The following SCFD2 variants were observed in gnomAD, a reference collection of about 807,000 sequenced individuals.
SCFD2 encodes the protein sec1 family domain containing 2, also known as sec1 family domain-containing protein 2.
SCFD2 carries 54 observed loss-of-function variants against 58.9 expected under a neutral mutation model. The ratio of observed to expected loss-of-function variants is 0.92; its 90% CI spans 0.74 to 1.15. The LOEUF (loss-of-function observed/expected upper bound fraction) is 1.15. SCFD2 is among the 50% of genes most tolerant of loss of function. SCFD2 has a pLI of 0.00. For missense variants in SCFD2, 805 were observed against 836.6 expected (o/e 0.96, Z 0.47); for synonymous variants, 321 against 335.9 (o/e 0.96, Z 0.49).
At chr4:52,896,876 C>T (rs1328613103) in intron 7 of SCFD2, among the ~76,000 whole-genome samples, 2 of 152,186 alleles carry the variant, frequency 1.3e-5, no homozygotes, top group Non-Finnish European at 1.5e-5. Flanking sequence ...AGGTCCTAAA[C>T]GTCCCTTGTA....
intron 3 of SCFD2, among the ~76,000 whole-genome samples, chr4:53,300,873 C>A (rs1428960094): frequency 1.3e-5 from 2 of 152,168 alleles, no homozygotes; most frequent in African/African-American, 2.4e-5. Flanking sequence ...GAAATGAAGG[C>A]AGAAATAAAG....
intron 4 of SCFD2, among the ~76,000 whole-genome samples, chr4:53,200,204 G>T (rs574482382): frequency 2.0e-5 from 3 of 152,186 alleles, no homozygotes; most frequent in Admixed American, 6.6e-5. Context: ...TATACAGCTT[G>T]CACTCATGTA....
At chr4:52,910,380 A>G (rs1281111714) in intron 6 of SCFD2, among the ~76,000 whole-genome samples, 2 of 151,984 alleles carry the variant, frequency 1.3e-5, no homozygotes, top group East Asian at 3.9e-4. Flanking sequence ...GTGATGACTT[A>G]TAGAGCCACT....
intron 5 of SCFD2, among the ~76,000 whole-genome samples, chr4:52,921,689 C>T (rs911631547): frequency 2.0e-5 from 3 of 152,140 alleles, no homozygotes; most frequent in African/African-American, 4.8e-5. Context: ...AGGCCCTGCC[C>T]ATACCCACTC....
chr4:53,194,823 A>G (rs1728014092), intron 4 of SCFD2, among the ~76,000 whole-genome samples: 1 of 152,096 alleles, frequency 6.6e-6, no homozygotes, highest in Admixed American at 6.6e-5. Context: ...AACCCAGTAC[A>G]CACGAGCGAC....
intron 5 of SCFD2, among the ~76,000 whole-genome samples, chr4:52,930,391 A>T (rs1229935677): frequency 6.6e-6 from 1 of 152,330 alleles, no homozygotes; most frequent in South Asian, 2.1e-4. Context: ...TGTAAAACCT[A>T]AAACTAGGAG....
intron 4 of SCFD2, among the ~76,000 whole-genome samples, chr4:53,257,260 T>G (rs1292101341): frequency 6.6e-6 from 1 of 152,170 alleles, no homozygotes; most frequent in East Asian, 1.9e-4. Context: ...AGGCAAGCTA[T>G]GAGCAGGCTA....
intron 4 of SCFD2, among the ~76,000 whole-genome samples, chr4:53,241,113 T>C (rs529619252): frequency 1.3e-5 from 2 of 152,270 alleles, no homozygotes; most frequent in African/African-American, 4.8e-5. Context: ...GTGAGTTGAA[T>C]AGGCAAGGAG....
At chr4:53,298,820 T>C (rs1296660253) in intron 3 of SCFD2, among the ~76,000 whole-genome samples, 1 of 152,088 alleles carries the variant, frequency 6.6e-6, no homozygotes, top group Non-Finnish European at 1.5e-5. Flanking sequence ...CCGCTGCTGA[T>C]ACCCAGGCAA....
At chr4:52,891,584 C>T (rs1172052360) in intron 7 of SCFD2, among the ~76,000 whole-genome samples, 3 of 152,242 alleles carry the variant, frequency 2.0e-5, no homozygotes, top group South Asian at 2.1e-4. Flanking sequence ...GAGCAGTAAC[C>T]GTTCTACCTT....
At chr4:53,066,842 C>T (rs140077832) in intron 5 of SCFD2, among the ~76,000 whole-genome samples, 7 of 152,158 alleles carry the variant, frequency 4.6e-5, no homozygotes, top group African/African-American at 1.7e-4. Context: ...CTCTCCTCCA[C>T]AGCACTTGTC....
At chr4:53,176,222 G>A (rs540568436) in intron 4 of SCFD2, among the ~76,000 whole-genome samples, 3 of 152,268 alleles carry the variant, frequency 2.0e-5, no homozygotes. Flanking sequence ...TCTTTCAAAA[G>A]TCTGCGAATT....
intron 4 of SCFD2, among the ~76,000 whole-genome samples, chr4:53,169,533 A>G (rs1372036190): frequency 1.3e-5 from 2 of 152,006 alleles, no homozygotes; most frequent in Admixed American, 6.6e-5. Flanking sequence ...TCTCTTCAAC[A>G]TGGCAATTTC....
At chr4:53,155,432 C>G (rs1237002017) in intron 4 of SCFD2, among the ~76,000 whole-genome samples, 1 of 152,148 alleles carries the variant, frequency 6.6e-6, no homozygotes, top group Non-Finnish European at 1.5e-5. Context: ...ACGCCAGCAC[C>G]TTGATATTGG....
intron 4 of SCFD2, among the ~76,000 whole-genome samples, chr4:53,212,796 T>C (rs1319463349): frequency 6.6e-6 from 1 of 151,988 alleles, no homozygotes; most frequent in African/African-American, 2.4e-5. Flanking sequence ...GGAAACCAAA[T>C]GAACTATTCA....
At chr4:53,223,865 C>T (rs1729120385) in intron 4 of SCFD2, among the ~76,000 whole-genome samples, 1 of 152,136 alleles carries the variant, frequency 6.6e-6, no homozygotes, top group Non-Finnish European at 1.5e-5. Context: ...ATAAAAAGCT[C>T]TTACAAATTA....
chr4:53,188,853 A>C (rs1452912894), intron 4 of SCFD2, among the ~76,000 whole-genome samples: 1 of 152,156 alleles, frequency 6.6e-6, no homozygotes. Context: ...TCCCAAATGC[A>C]GTGCTCACTT....
intron 2 of SCFD2, among the ~76,000 whole-genome samples, chr4:53,334,595 C>T (rs1362972106): frequency 8.5e-6 from 1 of 117,724 alleles, no homozygotes; most frequent in Non-Finnish European, 1.7e-5. Context: ...ACTCTGGGGA[C>T]TGTGGTGGGG....
intron 8 of SCFD2, among the ~76,000 whole-genome samples, chr4:52,881,963 A>G (rs142924681): frequency 6.6e-6 from 1 of 152,256 alleles, no homozygotes; most frequent in East Asian, 1.9e-4. Context: ...TGGTAGGAAA[A>G]GAAGCCCCAG....
Sources: gnomAD v4.1 joint callset for allele counts (sites outside exome capture counted in the v4.1 genomes callset) on GRCh38, gnomAD v4.1.1 for gene constraint, MANE v1.5 for transcripts, NCBI Gene and HGNC (gene_info 2026-07-23, HGNC 2026-07-21) for gene names.